The following AK8 variants were observed in gnomAD, a reference collection of about 807,000 sequenced individuals.
The protein encoded by AK8 is ATP-AMP transphosphorylase 8.
Under a neutral mutation model 54.6 loss-of-function variants are expected in AK8, and 44 were observed. That is an observed-to-expected ratio of 0.81 (90% CI 0.63 to 1.04). AK8 has a LOEUF of 1.04. Among genes scored for constraint, AK8 ranks in the 50% least tolerant of loss-of-function variants. The probability of loss-of-function intolerance (pLI) is 0.00; values close to 1 mark genes in which losing one functional copy is unlikely to be tolerated. For missense variants in AK8, 555 were observed against 613.6 expected (o/e 0.90, Z 1.01); for synonymous variants, 239 against 245.6 (o/e 0.97, Z 0.25).
intron 11 of AK8, among the ~76,000 whole-genome samples, chr9:132,743,542 C>CT (rs1308589002): frequency 2.6e-5 from 4 of 152,368 alleles, no homozygotes; most frequent in Middle Eastern, 3.4e-3. Flanking sequence ...GACTTCTCTG[C>CT]TATGTATGTA....
In AK8 at chr9:132,856,061, A is replaced by C. The variant is rs569331503; in HGVS notation, c.334-1136T>G. Among the ~76,000 whole-genome samples, 4 of 152,284 alleles carry C rather than the reference A, an allele frequency of 2.6e-5. No individual in the cohort carries two copies. The South Asian group carries it at 8.3e-4, about 32-fold the overall frequency. ...GTACTCCGCACTCTCCCTTCTCTGCAAAGGACTGGGGAGGAAGCAACTCTT... is the reference window on the plus strand; with the variant it reads ...GTACTCCGCACTCTCCCTTCTCTGCCAAGGACTGGGGAGGAAGCAACTCTT... On this transcript the variant is annotated intron_variant, in intron 4 of 12. Transcript: ENST00000298545.
chr9:132,872,894 C>G (rs952170700), intron 2 of AK8, among the ~76,000 whole-genome samples: 1 of 152,232 alleles, frequency 6.6e-6, no homozygotes, highest in African/African-American at 2.4e-5. Flanking sequence ...TCATTGCAAG[C>G]TCCGCCTCCT....
At chr9:132,813,331 G>C (rs372096738) in intron 10 of AK8, among the ~76,000 whole-genome samples, 3 of 152,090 alleles carry the variant, frequency 2.0e-5, no homozygotes, top group East Asian at 3.9e-4. Flanking sequence ...GACATCTCCC[G>C]GGGAGGCCCA....
At chr9:132,864,226 TTACTC>T (rs1166165132) in intron 3 of AK8, among the ~76,000 whole-genome samples, 8 of 152,218 alleles carry the variant, frequency 5.3e-5, no homozygotes, top group Admixed American at 5.2e-4. Flanking sequence ...TCATTGATAA[TTACTC>T]TATAGTCTAT....
chr9:132,774,983 T>C (rs571551218), intron 11 of AK8, among the ~76,000 whole-genome samples: 1 of 152,118 alleles, frequency 6.6e-6, no homozygotes, highest in African/African-American at 2.4e-5. Flanking sequence ...ACCTTAAAGG[T>C]AGGCAAAGAG....
chr9:132,774,177 A>G (rs184641195), intron 11 of AK8, among the ~76,000 whole-genome samples: 283 of 152,224 alleles, frequency 1.9e-3, no homozygotes, highest in Non-Finnish European at 3.1e-3. Flanking sequence ...CCAGGAGAGA[A>G]AAGGAGGCAC....
intron 10 of AK8, among the ~76,000 whole-genome samples, chr9:132,796,754 A>G (rs1273736456): frequency 1.3e-5 from 2 of 150,196 alleles, no homozygotes; most frequent in African/African-American, 5.0e-5. Flanking sequence ...ATTAATATAT[A>G]CACATACATA....
At chr9:132,843,622 A>T (rs987352293) in intron 5 of AK8, among the ~76,000 whole-genome samples, 3 of 152,190 alleles carry the variant, frequency 2.0e-5, no homozygotes, top group Non-Finnish European at 4.4e-5. Flanking sequence ...CCAGGGATGA[A>T]GCTGAACCGC....
intron 10 of AK8, among the ~76,000 whole-genome samples, chr9:132,805,150 G>C (rs565366033): frequency 6.6e-6 from 1 of 152,186 alleles, no homozygotes; most frequent in Non-Finnish European, 1.5e-5. Flanking sequence ...TGAGCGCACT[G>C]GCGGTTTGCT....
At chr9:132,754,324 AATGGGACCCATG>A (rs1407245243) in intron 11 of AK8, among the ~76,000 whole-genome samples, 1 of 152,190 alleles carries the variant, frequency 6.6e-6, no homozygotes, top group Admixed American at 6.5e-5. Context: ...TGCAGACATA[AATGGGACCCATG>A]ATGGAGCCAA....
At position 132,807,794 on chromosome 9, in the gene AK8, G is replaced by A. The variant is rs546116306; in HGVS notation, c.979+6844C>T. Among the ~76,000 whole-genome samples the A allele has an allele frequency of 1.2e-4, 19 of 152,266 alleles. No homozygotes were observed. In the East Asian group the frequency reaches 1.4e-3, roughly 11 times the overall value. Reference sequence around the variant, plus strand: ...TTATATTAAGTGAAAATCGGGAAGCGACATTCCAAGAGGCAAAGACAGAAT... The same window carrying A: ...TTATATTAAGTGAAAATCGGGAAGCAACATTCCAAGAGGCAAAGACAGAAT... On this transcript the variant is annotated intron_variant, in intron 10 of 12. Coordinates refer to ENST00000298545, the MANE Select transcript of AK8 (RefSeq NM_152572.3).
At chr9:132,820,590 A>G (rs1391379298) in intron 9 of AK8, among the ~76,000 whole-genome samples, 1 of 152,238 alleles carries the variant, frequency 6.6e-6, no homozygotes, top group Non-Finnish European at 1.5e-5. Context: ...CTAGGAGTTA[A>G]ATCCCAGGGT....
At chr9:132,800,279 G>A (rs1840380156) in intron 10 of AK8, among the ~76,000 whole-genome samples, 1 of 152,314 alleles carries the variant, frequency 6.6e-6, no homozygotes, top group Admixed American at 6.5e-5. Context: ...CCAGGACCTG[G>A]CGCCAGGTGT....
chr9:132,873,135 A>G (rs1203958686), intron 2 of AK8, among the ~76,000 whole-genome samples: 1 of 152,144 alleles, frequency 6.6e-6, no homozygotes, highest in African/African-American at 2.4e-5. Context: ...TTTAGTAGAG[A>G]TGGGGTTTTG....
rs1277059425 is a variant in AK8, at chr9:132,747,788, CTG to C, written c.1122-20256_1122-20255del. 6.0e-5 allele frequency among the ~76,000 whole-genome samples: 9 copies of C among 148,862 alleles called. No homozygotes were observed. In the East Asian group the frequency reaches 1.8e-3, roughly 29 times the overall value. On this transcript the variant is annotated intron_variant, in intron 11 of 12. Transcript: ENST00000298545. Reference sequence around the variant, plus strand: ...TTTAATTTTTTTTTTTACAATGAGACTGTACTATTTCTACAATTAAGAAAAAC... The same window carrying C: ...TTTAATTTTTTTTTTTACAATGAGACTACTATTTCTACAATTAAGAAAAAC...
At chr9:132,842,735 C>A (rs1842595835) in intron 5 of AK8, among the ~76,000 whole-genome samples, 1 of 152,210 alleles carries the variant, frequency 6.6e-6, no homozygotes, top group Admixed American at 6.5e-5. Context: ...AAGGTGTTGA[C>A]CAGGCTGTGT....
chr9:132,812,646 C>T (rs942094059), intron 10 of AK8, among the ~76,000 whole-genome samples: 23 of 112,968 alleles, frequency 2.0e-4, no homozygotes, highest in Non-Finnish European at 3.1e-4. Context: ...CTCCTCAGGA[C>T]GACCTTGCAG....
At chr9:132,773,981 C>T (rs779026269) in intron 11 of AK8, among the ~76,000 whole-genome samples, 5 of 152,036 alleles carry the variant, frequency 3.3e-5, no homozygotes, top group African/African-American at 4.8e-5. Context: ...AGGGGGGAGA[C>T]GGGAGTGGTA....
intron 5 of AK8, among the ~76,000 whole-genome samples, chr9:132,841,871 G>A (rs1455159069): frequency 6.6e-6 from 1 of 152,136 alleles, no homozygotes; most frequent in African/African-American, 2.4e-5. Context: ...TAGAGGAGGA[G>A]GAGACAGAAA....
Sources: gnomAD v4.1 joint callset for allele counts (sites outside exome capture counted in the v4.1 genomes callset) on GRCh38, gnomAD v4.1.1 for gene constraint, MANE v1.5 for transcripts, NCBI Gene and HGNC (gene_info 2026-07-23, HGNC 2026-07-21) for gene names.